Variants in SLC39A10 observed in about 807,000 individuals in gnomAD.
SLC39A10 encodes zinc transporter ZIP10.
Under a neutral mutation model 65.1 loss-of-function variants are expected in SLC39A10, and 13 were observed. The observed-to-expected ratio is 0.20, with a 90% CI of 0.13 to 0.32. SLC39A10 has a LOEUF of 0.32. Ranked by LOEUF, SLC39A10 falls within the 10% of genes least tolerant of loss-of-function variation. SLC39A10 has a pLI of 1.00. For missense variants in SLC39A10, 831 were observed against 1,018.4 expected (o/e 0.82, Z 2.50); for synonymous variants, 321 against 342.2 (o/e 0.94, Z 0.68).
intron 2 of SLC39A10, among the ~76,000 whole-genome samples, chr2:195,621,407 A>C (rs1000899955): frequency 6.6e-6 from 1 of 152,242 alleles, no homozygotes; most frequent in Non-Finnish European, 1.5e-5. Flanking sequence ...TTAATGCCAT[A>C]CTGATTGTGA....
intron 3 of SLC39A10, among the ~76,000 whole-genome samples, chr2:195,690,196 A>AG (rs1318699259): frequency 7.0e-5 from 10 of 142,552 alleles, no homozygotes; most frequent in South Asian, 2.2e-4. Flanking sequence ...AAAAAAAAAA[A>AG]AAAGAAAGAA....
chr2:195,650,101 G>A (rs956507162), intron 2 of SLC39A10, among the ~76,000 whole-genome samples: 2 of 152,006 alleles, frequency 1.3e-5, no homozygotes, highest in East Asian at 3.9e-4. Context: ...TGTAATTGTA[G>A]GAATTGGCAA....
intron 2 of SLC39A10, 88 bp from the exon 3 acceptor site, chr2:195,683,611 T>G (rs1403928021): frequency 1.1e-6 from 1 of 951,406 alleles, no homozygotes; most frequent in Non-Finnish European, 1.6e-6. Context: ...AAGTAATATT[T>G]AGAGTATTTC....
Position 195,679,329 on chromosome 2 carries a change from A to G in SLC39A10, c.-11-703A>G, listed in dbSNP as rs1428895079. On this transcript the variant is annotated intron_variant, in intron 1 of 9. Coordinates refer to ENST00000359634, the MANE Select transcript of SLC39A10 (RefSeq NM_020342.3). ...TTGACCAAGCACCAAGGAAAAGACC[A>G]TCCTTTCCGGTTTTTAGCTTTTGTC... Among the ~76,000 whole-genome samples the G allele has an allele frequency of 7.9e-5, 12 of 152,290 alleles. No individual in the cohort carries two copies. The East Asian group carries it at 2.1e-3, about 27-fold the overall frequency.
intron 2 of SLC39A10, among the ~76,000 whole-genome samples, chr2:195,630,373 C>G (rs1688562166): frequency 6.6e-6 from 1 of 151,916 alleles, no homozygotes; most frequent in Non-Finnish European, 1.5e-5. Context: ...GGATGCAGGG[C>G]TTCCATGCCC....
At chr2:195,729,237 C>T (rs999493429) in intron 9 of SLC39A10, among the ~76,000 whole-genome samples, 1 of 152,154 alleles carries the variant, frequency 6.6e-6, no homozygotes, top group African/African-American at 2.4e-5. Flanking sequence ...CTGCCTCAGC[C>T]TCTCAAAGTG....
At chr2:195,613,781 A>G (rs1434953614) in intron 2 of SLC39A10, among the ~76,000 whole-genome samples, 5 of 152,218 alleles carry the variant, frequency 3.3e-5, no homozygotes, top group African/African-American at 1.2e-4. Flanking sequence ...AAATTAACCT[A>G]AAAAAGAATA....
chr2:195,660,756 G>A (rs1233365490), intron 1 of SLC39A10, among the ~76,000 whole-genome samples: 1 of 152,156 alleles, frequency 6.6e-6, no homozygotes, highest in East Asian at 1.9e-4. Context: ...TTTCAAAGCG[G>A]GAAGTTAGCT....
At chr2:195,652,806 C>T (rs553085174), upstream of SLC39A10, among the ~76,000 whole-genome samples, 4 of 152,232 alleles carry the variant, frequency 2.6e-5, no homozygotes, top group South Asian at 4.1e-4. Flanking sequence ...CTGTTAGGAA[C>T]GGGGCCACAC....
Position 195,680,058 on chromosome 2 carries a change from C to G in SLC39A10, c.16C>G (p.His6Asp). The part of the protein sequence containing the change: MKVHM[H>D]TKFCLICLLT... ...AAAAATAGAAATGAAGGTACATATG[C>G]ACACAAAATTTTGCCTCATTTGTTT... The change falls in exon 2 of 10, where the codon CAC (histidine) becomes GAC (aspartate). Residue 6 changes from histidine (H) to aspartate (D), a missense_variant. Around this residue, in one of 4 missense-constraint regions of SLC39A10, gnomAD observed 446 missense variants for 499.2 expected, o/e 0.89. Coordinates refer to ENST00000359634, the MANE Select transcript of SLC39A10 (RefSeq NM_020342.3). The G allele has an allele frequency of 6.2e-7, 1 of 1,601,882 alleles. No individual in the cohort carries two copies. Among genetic ancestry groups the G allele is most frequent in the Non-Finnish European group, 8.5e-7 (1 of 1,176,502 alleles).
At chr2:195,649,094 G>A (rs1688982638) in intron 2 of SLC39A10, among the ~76,000 whole-genome samples, 1 of 152,136 alleles carries the variant, frequency 6.6e-6, no homozygotes, top group Non-Finnish European at 1.5e-5. Flanking sequence ...CATTTCTCAT[G>A]AAACATTAGG....
At chr2:195,730,059 C>T (rs1692386061) in intron 9 of SLC39A10, among the ~76,000 whole-genome samples, 1 of 148,298 alleles carries the variant, frequency 6.7e-6, no homozygotes, top group Non-Finnish European at 1.5e-5. Context: ...CCAGCCTCAG[C>T]CTTCCAAAGT....
intron 3 of SLC39A10, among the ~76,000 whole-genome samples, chr2:195,701,878 TG>T (rs2105804006): frequency 6.6e-6 from 1 of 152,046 alleles, no homozygotes; most frequent in African/African-American, 2.4e-5. Context: ...GATGGGTTTT[TG>T]TCATGTTGCC....
chr2:195,726,331 G>C (rs1046187736), intron 8 of SLC39A10, among the ~76,000 whole-genome samples: 1 of 152,136 alleles, frequency 6.6e-6, no homozygotes, highest in Non-Finnish European at 1.5e-5. Context: ...GTCTCAGTTT[G>C]TTTTACATAA....
At chr2:195,660,733 C>T (rs1689361088) in intron 1 of SLC39A10, among the ~76,000 whole-genome samples, 1 of 152,090 alleles carries the variant, frequency 6.6e-6, no homozygotes, top group Non-Finnish European at 1.5e-5. Flanking sequence ...AAGAAATTTA[C>T]GTATGGGATT....
chr2:195,728,040 TA>T lies in SLC39A10; in HGVS notation c.2147-115del. On this transcript the variant is annotated intron_variant, in intron 8 of 9. Coordinates refer to ENST00000359634, the MANE Select transcript of SLC39A10 (RefSeq NM_020342.3). The surrounding 1 kb of genome is among the most constrained non-coding windows in gnomAD (Gnocchi z 4.4). ...TAAGTAAAATATTTTATATATCACA[TA>T]AAATACTGTTATTAAAAGTGTGTAT... 1.1e-6 allele frequency: 1 copy of T among 904,870 alleles called. No homozygotes were observed. Among genetic ancestry groups the T allele is most frequent in the Non-Finnish European group, 1.6e-6 (1 of 611,750 alleles). 56.1% of individuals were successfully genotyped at this position (904,870 alleles called of 1,614,324 possible).
intron 3 of SLC39A10, among the ~76,000 whole-genome samples, chr2:195,692,955 C>T (rs1355078701): frequency 6.6e-6 from 1 of 151,980 alleles, no homozygotes; most frequent in Non-Finnish European, 1.5e-5. Flanking sequence ...TAATATTAGC[C>T]GTGGGTTTGT....
chr2:195,664,528 C>T (rs1169946191), intron 1 of SLC39A10, among the ~76,000 whole-genome samples: 1 of 151,886 alleles, frequency 6.6e-6, no homozygotes, highest in Non-Finnish European at 1.5e-5. Flanking sequence ...TAAAAAGGAA[C>T]AGAACTGCAG....
chr2:195,708,329 G>A (rs1691482243), intron 4 of SLC39A10, among the ~76,000 whole-genome samples: 1 of 152,158 alleles, frequency 6.6e-6, no homozygotes, highest in Non-Finnish European at 1.5e-5. Flanking sequence ...TATTTGGCAT[G>A]TAAGTAGATC....
Sources: gnomAD v4.1 joint callset for allele counts (sites outside exome capture counted in the v4.1 genomes callset) on GRCh38, gnomAD v4.1.1 for gene constraint, gnomAD v4.1.1 regional missense constraint, Gnocchi (gnomAD v3.1) non-coding constraint, MANE v1.5 for transcripts, NCBI Gene and HGNC (gene_info 2026-07-23, HGNC 2026-07-21) for gene names.